The following ARHGAP39 variants were observed in gnomAD, a reference collection of about 807,000 sequenced individuals.
The protein encoded by ARHGAP39 is Rho GTPase activating protein 39, also known as rho GTPase-activating protein 39.
A neutral mutation model predicts 106.9 loss-of-function variants in ARHGAP39; 44 were observed. That is an observed-to-expected ratio of 0.41 (90% CI 0.32 to 0.53). The LOEUF (loss-of-function observed/expected upper bound fraction) is 0.53, where lower values mean the gene tolerates loss of function less well. Ranked by LOEUF, ARHGAP39 falls within the 20% of genes least tolerant of loss-of-function variation. The probability of loss-of-function intolerance (pLI) is 0.21; values close to 1 mark genes in which losing one functional copy is unlikely to be tolerated. For synonymous variants in ARHGAP39, 768 were observed against 693.2 expected, an observed-to-expected ratio of 1.11 and a Z score of -1.69; for missense variants, 1,496 against 1,577.3, an observed-to-expected ratio of 0.95 and a Z score of 0.87.
the ARHGAP39 span, among the ~76,000 whole-genome samples, chr8:144,692,174 C>A: frequency 1.4e-4 from 21 of 152,110 alleles, no homozygotes; most frequent in African/African-American, 4.3e-4. Flanking sequence ...TTCCCTCTTT[C>A]TCTCTCTGTC....
chr8:144,532,161 G>C, intron 10 of ARHGAP39, 144 bp downstream of exon 10: 2 of 725,566 alleles, frequency 2.8e-6, no homozygotes, highest in Non-Finnish European at 4.7e-6. Context: ...CCAATGGGCA[G>C]AAGGGAGGAT....
chr8:144,554,929 G>A (rs1195408725), intron 4 of ARHGAP39, among the ~76,000 whole-genome samples: 1 of 152,210 alleles, frequency 6.6e-6, no homozygotes, highest in East Asian at 1.9e-4. Context: ...CCCCTGGGTG[G>A]CCCATGCTGC....
intron 1 of ARHGAP39, among the ~76,000 whole-genome samples, chr8:144,660,525 A>C (rs1452526769): frequency 2.0e-5 from 3 of 152,170 alleles, no homozygotes; most frequent in Admixed American, 1.3e-4. Context: ...AGTAAAGTTG[A>C]GTAATATTTA....
At chr8:144,683,814 T>C (rs1563737354) in intron 1 of ARHGAP39, among the ~76,000 whole-genome samples, 1 of 152,018 alleles carries the variant, frequency 6.6e-6, no homozygotes, top group African/African-American at 2.4e-5. Flanking sequence ...AAACTTCCAG[T>C]TTACATTACA....
At chr8:144,601,724 C>T (rs1819965809) in intron 2 of ARHGAP39, among the ~76,000 whole-genome samples, 1 of 104,798 alleles carries the variant, frequency 9.5e-6, no homozygotes, top group African/African-American at 3.9e-5. Context: ...AGCTCATGTA[C>T]CTGTGTGTGT....
intron 3 of ARHGAP39, among the ~76,000 whole-genome samples, chr8:144,566,681 C>T (rs552772373): frequency 1.4e-4 from 21 of 152,090 alleles, no homozygotes; most frequent in East Asian, 3.9e-4. Context: ...CATGGTGAAA[C>T]GCCGGCTCTA....
At chr8:144,533,405 G>C in intron 8 of ARHGAP39, 80 bp from the exon 9 acceptor site, 2 of 1,400,390 alleles carry the variant, frequency 1.4e-6, no homozygotes, top group South Asian at 2.4e-5. Flanking sequence ...TTCTTTCCCC[G>C]AACATAGGTG....
chr8:144,541,053 T>C (rs1817171115), intron 6 of ARHGAP39, among the ~76,000 whole-genome samples: 1 of 152,216 alleles, frequency 6.6e-6, no homozygotes, highest in African/African-American at 2.4e-5. Context: ...GGTTTCACCA[T>C]GTTGGCCAGG....
chr8:144,659,194 C>T (rs1282138873), intron 1 of ARHGAP39, among the ~76,000 whole-genome samples: 1 of 152,124 alleles, frequency 6.6e-6, no homozygotes, highest in African/African-American at 2.4e-5. Flanking sequence ...CTGTAAAGGA[C>T]ATAATTACTG....
rs117631629 is a variant in ARHGAP39 at position 144,642,487 on chromosome 8, A to T, written c.-81-36792T>A. Among the ~76,000 whole-genome samples, 2,442 of 151,742 alleles carry T rather than the reference A, an allele frequency of 0.016. 205 individuals carry two copies. The East Asian group carries it at 0.24, about 15-fold the overall frequency. ...GGGTGACAGAGTGAGACTCCGTCTT[A>T]GGGGAAAAAAAATAGATAAAAATTA... On this transcript the variant is annotated intron_variant, in intron 1 of 11. Transcript: ENST00000377307.
At chr8:144,595,846 G>A (rs898737725) in intron 2 of ARHGAP39, among the ~76,000 whole-genome samples, 4 of 152,292 alleles carry the variant, frequency 2.6e-5, no homozygotes, top group African/African-American at 9.6e-5. Flanking sequence ...AGGGGCGCCA[G>A]TGTCCCTCCC....
chr8:144,540,908 A>G (rs962116863), intron 6 of ARHGAP39, among the ~76,000 whole-genome samples: 4 of 152,216 alleles, frequency 2.6e-5, no homozygotes, highest in African/African-American at 9.7e-5. Context: ...CTAGAGTGCA[A>G]TGGCAAGATC....
chr8:144,698,605 G>GTTTT, the ARHGAP39 span: 7 of 262,642 alleles, frequency 2.7e-5, no homozygotes, highest in South Asian at 1.3e-4. Flanking sequence ...TCTCTAATCT[G>GTTTT]TTTTTTTTTT....
intron 1 of ARHGAP39, among the ~76,000 whole-genome samples, chr8:144,632,463 G>A (rs1053041748): frequency 2.0e-5 from 3 of 152,202 alleles, no homozygotes; most frequent in Non-Finnish European, 4.4e-5. Context: ...CAGCGTGCAC[G>A]AGGACTGTGT....
intron 5 of ARHGAP39, among the ~76,000 whole-genome samples, 178 bp downstream of exon 5, chr8:144,546,949 C>T (rs1354469338): frequency 1.3e-5 from 2 of 152,194 alleles, no homozygotes; most frequent in African/African-American, 4.8e-5. Context: ...TCGTGGACTC[C>T]CAGCTGAGCC....
intron 1 of ARHGAP39, among the ~76,000 whole-genome samples, chr8:144,683,980 AC>A (rs1356397494): frequency 6.6e-6 from 1 of 152,092 alleles, no homozygotes; most frequent in Non-Finnish European, 1.5e-5. Context: ...CCTCACAACA[AC>A]CCTATGAGGC....
chr8:144,619,820 C>A (rs1239164157), intron 1 of ARHGAP39, among the ~76,000 whole-genome samples: 1 of 130,910 alleles, frequency 7.6e-6, no homozygotes, highest in African/African-American at 3.0e-5. Flanking sequence ...GAGCTTGTGT[C>A]CCTGAGAGTG....
chr8:144,602,384 CCT>C (rs1491278861), intron 2 of ARHGAP39, among the ~76,000 whole-genome samples: 1 of 113,028 alleles, frequency 8.8e-6, no homozygotes, highest in Non-Finnish European at 1.8e-5. Context: ...AGCTCATGTA[CCT>C]GTGTGTGTGC....
intron 1 of ARHGAP39, among the ~76,000 whole-genome samples, chr8:144,637,843 C>G (rs1479080709): frequency 6.6e-6 from 1 of 151,528 alleles, no homozygotes; most frequent in Non-Finnish European, 1.5e-5. Flanking sequence ...GTGTGCCACC[C>G]ACACATGGAT....
Sources: gnomAD v4.1 joint callset for allele counts (sites outside exome capture counted in the v4.1 genomes callset) on GRCh38, gnomAD v4.1.1 for gene constraint, MANE v1.5 for transcripts, NCBI Gene and HGNC (gene_info 2026-07-23, HGNC 2026-07-21) for gene names.